The following FRMPD4 variants were observed in gnomAD, a reference collection of about 807,000 sequenced individuals.
The protein encoded by FRMPD4 is FERM and PDZ domain containing 4.
FRMPD4 carries 22 observed loss-of-function variants against 94.1 expected under a neutral mutation model. The ratio of observed to expected loss-of-function variants is 0.23; its 90% CI spans 0.17 to 0.33. The LOEUF (loss-of-function observed/expected upper bound fraction) is 0.33, where lower values mean the gene tolerates loss of function less well. Among genes scored for constraint, FRMPD4 ranks in the 10% least tolerant of loss-of-function variants. The pLI, the probability that FRMPD4 is intolerant of heterozygous loss-of-function variation, is 1.00. For synonymous variants in FRMPD4, 631 were observed against 548.6 expected (o/e 1.15, Z -2.10); for missense variants, 1,111 against 1,339.9 (o/e 0.83, Z 2.67).
chrX:12,044,003 G>C (rs376791509), intron 3 of FRMPD4, among the ~76,000 whole-genome samples: 2 of 111,089 alleles, frequency 1.8e-5, no homozygotes, highest in African/African-American at 6.5e-5. Flanking sequence ...ATGAATTACT[G>C]CTTTCCCTTT....
intron 1 of FRMPD4, among the ~76,000 whole-genome samples, chrX:12,390,939 C>G (rs5933996): frequency 1.1e-4 from 12 of 110,379 alleles, no homozygotes; most frequent in African/African-American, 2.0e-4. Flanking sequence ...AACGACTTCA[C>G]TGTTGTTCAG....
intron 2 of FRMPD4, among the ~76,000 whole-genome samples, chrX:11,868,980 G>C (rs186229548): frequency 3.7e-5 from 4 of 107,322 alleles, no homozygotes; most frequent in African/African-American, 6.6e-5. Context: ...CCTTAGGCTA[G>C]AGAATGTCAC....
At chrX:12,693,719 T>C (rs1271534116) in intron 8 of FRMPD4, among the ~76,000 whole-genome samples, 1 of 112,280 alleles carries the variant, frequency 8.9e-6, no homozygotes, top group Non-Finnish European at 1.9e-5. Flanking sequence ...AGCAATGTTA[T>C]GCAATAATAA....
At chrX:12,293,815 G>A (rs1490877256) in intron 1 of FRMPD4, among the ~76,000 whole-genome samples, 1 of 112,404 alleles carries the variant, frequency 8.9e-6, no homozygotes, top group African/African-American at 3.2e-5. Context: ...TGTTCTATAT[G>A]TAAAGTTGAT....
chrX:12,719,402 G>GA (rs1226100541), intron 16 of FRMPD4, among the ~76,000 whole-genome samples: 1 of 112,215 alleles, frequency 8.9e-6, no homozygotes, highest in African/African-American at 3.2e-5. Context: ...AACACACGTA[G>GA]AAAAAAGAAC....
At chrX:12,182,367 G>A (rs369745614) in intron 1 of FRMPD4, among the ~76,000 whole-genome samples, 80 of 110,724 alleles carry the variant, frequency 7.2e-4, no homozygotes, top group African/African-American at 2.5e-3. Flanking sequence ...TTGCTGTGTC[G>A]TGTTTATTTA....
rs550310431 is a variant in FRMPD4, at chrX:12,129,999, C to T, written c.95+251981C>T. ...AAGCAATAATTTTATGCCATCCTCC[C>T]ACAACTAATTGTTAACCCTCTGCAT... On this transcript the variant is annotated intron_variant, in intron 3 of 18. Transcript: ENST00000640291. Among the ~76,000 whole-genome samples, 38 of 110,795 alleles carry T rather than the reference C, an allele frequency of 3.4e-4. No individual in the cohort carries two copies. In the South Asian group the frequency reaches 0.015, roughly 43 times the overall value.
intron 1 of FRMPD4, among the ~76,000 whole-genome samples, chrX:12,164,517 T>A (rs76578787): frequency 0.076 from 8,532 of 112,151 alleles, 907 homozygotes; most frequent in East Asian, 0.61. Flanking sequence ...TGCATGTGCA[T>A]GTGTCTTTAT....
At chrX:12,586,236 G>A (rs759391035) in intron 2 of FRMPD4, among the ~76,000 whole-genome samples, 1 of 112,704 alleles carries the variant, frequency 8.9e-6, no homozygotes, top group South Asian at 3.6e-4. Flanking sequence ...GAGCTAAAAC[G>A]CACATGGAAG....
At chrX:11,873,097 G>A (rs1335002830) in intron 2 of FRMPD4, among the ~76,000 whole-genome samples, 1 of 111,740 alleles carries the variant, frequency 8.9e-6, no homozygotes, top group Non-Finnish European at 1.9e-5. Flanking sequence ...CCCCACTGTT[G>A]AAGACTACAC....
At chrX:12,491,570 G>A (rs908882607) in intron 1 of FRMPD4, among the ~76,000 whole-genome samples, 5 of 112,324 alleles carry the variant, frequency 4.5e-5, no homozygotes, top group African/African-American at 1.6e-4. Context: ...TAAAAAGAAA[G>A]AATCTGTGAA....
At chrX:12,193,825 A>AGGAAGGAG (rs2056530335) in intron 1 of FRMPD4, among the ~76,000 whole-genome samples, 3 of 36,145 alleles carry the variant, frequency 8.3e-5, no homozygotes, top group Admixed American at 8.2e-4. Context: ...GAAGGAAGGA[A>AGGAAGGAG]GGAGGGAAGG....
At chrX:12,662,592 A>G (rs1371992819) in intron 4 of FRMPD4, among the ~76,000 whole-genome samples, 1 of 112,322 alleles carries the variant, frequency 8.9e-6, no homozygotes, top group African/African-American at 3.2e-5. Flanking sequence ...TTCTTTATCC[A>G]GTCTATCATT....
intron 1 of FRMPD4, among the ~76,000 whole-genome samples, chrX:12,404,681 G>C (rs1024649984): frequency 8.9e-6 from 1 of 111,823 alleles, no homozygotes; most frequent in South Asian, 3.7e-4. Flanking sequence ...TGATCCTTCT[G>C]TTGTACTCTA....
rs1555898469 is a variant in FRMPD4, at chrX:12,720,049, G to GGAAAGGAAAGGAAA, written c.3965-480_3965-479insGAAAGGAAAGAAAG. Among the ~76,000 whole-genome samples, 5 of 39,581 alleles carry GGAAAGGAAAGGAAA rather than the reference G, an allele frequency of 1.3e-4. No individual in the cohort carries two copies. In the East Asian group the frequency reaches 4.5e-3, roughly 36 times the overall value. 34.4% of individuals were successfully genotyped at this position (39,581 alleles called of 115,157 possible). ...GGAAAGGAAAGGAAAGGAAAGGAAA[G>GGAAAGGAAAGGAAA]GAAAGAAAGAAAGAAAGAAAGAAAG... On this transcript the variant is annotated intron_variant, in intron 16 of 16. Transcript: ENST00000675598.
At chrX:11,854,553 TAA>T (rs2053643363) in intron 1 of FRMPD4, among the ~76,000 whole-genome samples, 1 of 112,092 alleles carries the variant, frequency 8.9e-6, no homozygotes, top group African/African-American at 3.2e-5. Context: ...AGGCATTGGG[TAA>T]AATACACCCA....
intron 2 of FRMPD4, among the ~76,000 whole-genome samples, chrX:12,599,948 T>A (rs757146157): frequency 9.0e-6 from 1 of 111,717 alleles, no homozygotes; most frequent in East Asian, 2.8e-4. Flanking sequence ...AGGTAAAATA[T>A]ACATTTTAAT....
At chrX:12,132,738 G>C (rs2055563146) in intron 3 of FRMPD4, among the ~76,000 whole-genome samples, 1 of 111,224 alleles carries the variant, frequency 9.0e-6, no homozygotes, top group African/African-American at 3.3e-5. Flanking sequence ...TGTCAATAAG[G>C]ACTGAGCAAT....
intron 16 of FRMPD4, 98 bp from the exon 17 acceptor site, chrX:12,720,436 C>T (rs2042217053): frequency 1.4e-5 from 13 of 936,925 alleles, no homozygotes; most frequent in Non-Finnish European, 2.0e-5. Flanking sequence ...CAGACTACAA[C>T]CTTGAGAAAT....
Sources: gnomAD v4.1 joint callset for allele counts (sites outside exome capture counted in the v4.1 genomes callset) on GRCh38, gnomAD v4.1.1 for gene constraint, MANE v1.5 for transcripts, NCBI Gene and HGNC (gene_info 2026-07-23, HGNC 2026-07-21) for gene names.